The following ITGB2 variants were observed in gnomAD, a reference collection of about 807,000 sequenced individuals.
The protein encoded by ITGB2 is integrin subunit beta 2.
Under a neutral mutation model 86.8 loss-of-function variants are expected in ITGB2, and 56 were observed. The observed-to-expected ratio is 0.65, with a 90% CI of 0.52 to 0.81. The LOEUF (loss-of-function observed/expected upper bound fraction) is 0.81. Ranked by LOEUF, ITGB2 falls within the 30% of genes least tolerant of loss-of-function variation. ITGB2 has a pLI of 0.00. For synonymous variants in ITGB2, 457 were observed against 450.4 expected (o/e 1.01, Z -0.19); for missense variants, 948 against 1,061.2 (o/e 0.89, Z 1.48).
At chr21:44,887,537 ACCTGCACCCTCAC>A (rs2083716837) in intron 14 of ITGB2, among the ~76,000 whole-genome samples, 2 of 150,976 alleles carry the variant, frequency 1.3e-5, no homozygotes, top group Non-Finnish European at 3.0e-5. Context: ...TGCCATCCTG[ACCTGCACCCTCAC>A]TCCCTGTGGT....
intron 1 of ITGB2, chr21:44,927,854 A>T (rs1029089012): frequency 2.0e-5 from 3 of 152,186 alleles, no homozygotes. Context: ...TCCCCCACAG[A>T]TCCATACAAA....
At position 44,886,557 on chromosome 21, in the gene ITGB2, C is replaced by G. The variant is rs235375; in HGVS notation, c.2248-127G>C. 324,404 of 1,386,444 alleles carry G rather than the reference C, an allele frequency of 0.23. 39,963 individuals are homozygous for G. The highest frequency in any genetic ancestry group is 0.36 in the Middle Eastern group (1,903 of 5,296). The allele number at this position is 1,386,444 out of a possible 1,614,324, so 85.9% of individuals were successfully genotyped here. A position where few individuals can be genotyped will look rare whatever the true frequency, so the allele number is the denominator to read the frequency against. ...AAGAGCTAGACGTGGGGCAGCCCCC[C>G]CAGGGTCCCAGCACCGGCAGCCAAG... On this transcript the variant is annotated intron_variant, in intron 15 of 15. Coordinates refer to ENST00000652462, the MANE Select transcript of ITGB2 (RefSeq NM_000211.5).
rs759479855 is a variant in ITGB2 at position 44,910,763 on chromosome 21, G to T, written c.20C>A (p.Pro7Gln). 16 of 1,613,322 alleles carry T rather than the reference G, an allele frequency of 9.9e-6. No individual in the cohort carries two copies. Among genetic ancestry groups the T allele is most frequent in the Admixed American group, 8.3e-5 (5 of 59,954 alleles). The change falls in exon 2 of 16, where the codon CCA (proline) becomes CAA (glutamine). Residue 7 changes from proline to glutamine, a missense_variant. Coordinates refer to ENST00000652462, the MANE Select transcript of ITGB2 (RefSeq NM_000211.5). MLGLRP[P>Q]LLALVGLLSL... ...GAGCAGCCCCACCAGGGCGAGCAGTGGGGGGCGCAGGCCCAGCATGTCCTG... is the reference window on the plus strand; with the variant it reads ...GAGCAGCCCCACCAGGGCGAGCAGTTGGGGGCGCAGGCCCAGCATGTCCTG...
At chr21:44,910,140 G>T (rs1568901653) in intron 3 of ITGB2, 144 bp downstream of exon 3, 1 of 1,006,408 alleles carries the variant, frequency 9.9e-7, no homozygotes, top group Non-Finnish European at 1.5e-6. Context: ...GGGGCCCCTT[G>T]AGGGGAGGGT....
At chr21:44,919,017 G>A (rs112115137) in intron 1 of ITGB2, among the ~76,000 whole-genome samples, 73,263 of 142,934 alleles carry the variant, frequency 0.51, 19,844 homozygotes, top group African/African-American at 0.8. Flanking sequence ...CCCAGCACTC[G>A]GAGGCACCTG....
At chr21:44,908,589 G>A (rs912206731) in intron 3 of ITGB2, among the ~76,000 whole-genome samples, 2 of 152,180 alleles carry the variant, frequency 1.3e-5, no homozygotes, top group African/African-American at 4.8e-5. Flanking sequence ...AGAGTTGTAA[G>A]CCCTTAAAAG....
intron 1 of ITGB2, among the ~76,000 whole-genome samples, chr21:44,919,020 G>GCTGAGCATTCCCCTCTCCCAGCACTCGGA (rs58007154): frequency 6.7e-6 from 1 of 149,604 alleles, no homozygotes; most frequent in Non-Finnish European, 1.5e-5. Context: ...AGCACTCGGA[G>GCTGAGCATTCCCCTCTCCCAGCACTCGGA]GCACCTGCAG....
At position 44,888,714 on chromosome 21, in the gene ITGB2, T is replaced by C. The variant is rs1420834473; in HGVS notation, c.2059A>G (p.Ile687Val). The C allele has an allele frequency of 6.2e-7, 1 of 1,609,604 alleles. No homozygotes were observed. The highest frequency in any genetic ancestry group is 8.5e-7 in the Non-Finnish European group (1 of 1,179,634). The change falls in exon 14 of 16, where the codon ATC becomes GTC. Residue 687 changes from isoleucine to valine, a missense_variant. By Grantham distance (29) the Ile-to-Val change is conservative (BLOSUM62 3). Coordinates refer to ENST00000652462, the MANE Select transcript of ITGB2 (RefSeq NM_000211.5). ...EQQDGMDRYL[I>V]YVDESRECVA... The stretch of plus-strand genomic sequence containing the variant: ...TCACCTCGGCTCTCATCCACATAGA[T>C]GAGGTAGCGGTCCATCCCGTCCTGC...
chr21:44,886,621 TG>T, intron 15 of ITGB2, 114 bp downstream of exon 15: 1 of 1,515,614 alleles, frequency 6.6e-7, no homozygotes, highest in Non-Finnish European at 9.1e-7. Flanking sequence ...ACAAGCTGCC[TG>T]GGGAGGCCGG....
chr21:44,897,418 C>G (rs916646629), intron 8 of ITGB2, among the ~76,000 whole-genome samples: 3 of 152,200 alleles, frequency 2.0e-5, no homozygotes, highest in Non-Finnish European at 4.4e-5. Context: ...GCCCTGGTTT[C>G]CTGCGTGCCA....
In ITGB2 at chr21:44,886,386, G is replaced by A. The variant is rs1350166836; in HGVS notation, c.2292C>T (p.Pro764=). 2.5e-6 allele frequency: 4 copies of A among 1,614,142 alleles called. No homozygotes were observed. In the Middle Eastern group the frequency reaches 4.9e-4, roughly 200 times the overall value. The part of the protein sequence containing the change: ...FKSATTTVMN[P]KFAES ...AGTGCTCCTAACTCTCAGCAAACTT[G>A]GGGTTCATGACCGTCGTGGTGGCGC... Residue 764 remains proline, a synonymous_variant, in exon 16 of 16, where the codon CCC becomes CCT. Transcript: ENST00000652462.
chr21:44,900,660 C>T (rs1370817729), intron 6 of ITGB2, among the ~76,000 whole-genome samples, 185 bp from the exon 7 acceptor site: 1 of 151,928 alleles, frequency 6.6e-6, no homozygotes, highest in Non-Finnish European at 1.5e-5. Flanking sequence ...AGACAACGGC[C>T]CTCAAACACC....
chr21:44,918,939 G>T (rs8129251), intron 1 of ITGB2, among the ~76,000 whole-genome samples: 1 of 75,212 alleles, frequency 1.3e-5, no homozygotes. Context: ...GTGGCTAAGC[G>T]TCCCCTCTCC....
Position 44,906,983 on chromosome 21 carries a change from G to C in ITGB2, c.260C>G (p.Thr87Ser), listed in dbSNP as rs754994927. 32 of 1,614,072 alleles carry C rather than the reference G, an allele frequency of 2.0e-5. No individual in the cohort carries two copies. The highest frequency in any genetic ancestry group is 2.5e-5 in the Non-Finnish European group (30 of 1,180,030). The stretch of plus-strand genomic sequence containing the variant: ...CTGGCCCCCATTGTGGTCTTCCTGG[G>C]TTTCAGCGAGGCTTGTGGGGTCCAT... ...DIMDPTSLAE[T>S]QEDHNGGQKQ... The change falls in exon 4 of 16, where the codon ACC (threonine) becomes AGC (serine). Residue 87 changes from threonine to serine, a missense_variant. Transcript: ENST00000652462.
At chr21:44,890,463 G>A (rs2083770891) in intron 11 of ITGB2, among the ~76,000 whole-genome samples, 1 of 152,226 alleles carries the variant, frequency 6.6e-6, no homozygotes, top group African/African-American at 2.4e-5. Context: ...GCCTGCGCAT[G>A]CAGTGGCTCG....
At chr21:44,899,810 C>T (rs1272944681) in intron 7 of ITGB2, among the ~76,000 whole-genome samples, 1 of 152,212 alleles carries the variant, frequency 6.6e-6, no homozygotes, top group Non-Finnish European at 1.5e-5. Flanking sequence ...CGCCTCTGTC[C>T]CTCCCTGCAT....
At chr21:44,890,494 T>C in intron 11 of ITGB2, among the ~76,000 whole-genome samples, 1 of 152,178 alleles carries the variant, frequency 6.6e-6, no homozygotes, top group Non-Finnish European at 1.5e-5. Flanking sequence ...TGTGGAGCTG[T>C]GTTGCAGCCA....
chr21:44,893,759 G>A (rs774391144), intron 9 of ITGB2: 37 of 595,878 alleles, frequency 6.2e-5, no homozygotes, highest in Non-Finnish European at 9.8e-5. Flanking sequence ...ACAGGGACTA[G>A]CATGGAGCCA....
Position 44,903,407 on chromosome 21 carries a change from G to C in ITGB2, c.457C>G (p.Leu153Val). ...LRNVKKLGGD[L>V]LRALNEITES... The stretch of plus-strand genomic sequence containing the variant: ...GTGATCTCGTTGAGGGCCCGGAGCA[G>C]GTCGCCACCTAGCTTCTTGACATTC... The change falls in exon 5 of 16, where the codon CTG becomes GTG. Residue 153 changes from leucine to valine, a missense_variant. Leu to Val is a conservative substitution (Grantham distance 32). Transcript: ENST00000652462. 6.2e-7 allele frequency: 1 copy of C among 1,614,116 alleles called. No individual in the cohort carries two copies. The highest frequency in any genetic ancestry group is 1.1e-5 in the South Asian group (1 of 91,082).
Sources: gnomAD v4.1 joint callset for allele counts (sites outside exome capture counted in the v4.1 genomes callset) on GRCh38, gnomAD v4.1.1 for gene constraint, MANE v1.5 for transcripts, NCBI Gene and HGNC (gene_info 2026-07-23, HGNC 2026-07-21) for gene names.